Variants in ARID1B observed in about 807,000 individuals in gnomAD.
ARID1B encodes AT-rich interactive domain-containing protein 1B.
A neutral mutation model predicts 212.3 loss-of-function variants in ARID1B; 30 were observed. That is an observed-to-expected ratio of 0.14 (90% confidence interval 0.11 to 0.19). The LOEUF (loss-of-function observed/expected upper bound fraction) is 0.19, where lower values mean the gene tolerates loss of function less well. Ranked by LOEUF, ARID1B falls within the 10% of genes least tolerant of loss-of-function variation. The pLI is 1.00. For missense variants in ARID1B, 2,891 were observed against 3,204.0 expected, an observed-to-expected ratio of 0.90 and a Z score of 2.36; for synonymous variants, 1,402 against 1,301.7, an observed-to-expected ratio of 1.08 and a Z score of -1.66.
chr6:156,781,670 A>C (rs946963107), intron 1 of ARID1B, among the ~76,000 whole-genome samples: 1 of 152,094 alleles, frequency 6.6e-6, no homozygotes, highest in Non-Finnish European at 1.5e-5. Flanking sequence ...AGATTTTTCT[A>C]TTCTTAATAG....
intron 4 of ARID1B, among the ~76,000 whole-genome samples, chr6:157,030,813 G>A (rs1214169612): frequency 2.6e-5 from 4 of 152,144 alleles, no homozygotes; most frequent in Non-Finnish European, 1.5e-5. Context: ...ATTTTTCATT[G>A]TTACCAATAT....
chr6:157,098,951 A>G (rs1017158591), intron 5 of ARID1B, among the ~76,000 whole-genome samples: 4 of 152,128 alleles, frequency 2.6e-5, no homozygotes, highest in Admixed American at 6.6e-5. Context: ...TAAATGTTTT[A>G]TGACTCCAGT....
intron 4 of ARID1B, among the ~76,000 whole-genome samples, chr6:157,072,959 A>G (rs1244710478): frequency 6.6e-6 from 1 of 152,198 alleles, no homozygotes; most frequent in Non-Finnish European, 1.5e-5. Context: ...TGTAGTGTTT[A>G]TATACTTTAA....
intron 2 of ARID1B, among the ~76,000 whole-genome samples, chr6:156,891,733 T>C (rs1787936406): frequency 6.6e-6 from 1 of 152,202 alleles, no homozygotes; most frequent in Non-Finnish European, 1.5e-5. Context: ...CTGCTCTTTT[T>C]TTTCCCCCCC....
intron 6 of ARID1B, chr6:157,110,870 CTG>C: frequency 2.5e-6 from 1 of 395,978 alleles, no homozygotes; most frequent in Non-Finnish European, 4.7e-6. Context: ...GTAAAAATAA[CTG>C]TGAATGACTC....
intron 10 of ARID1B, 59 bp downstream of exon 10, chr6:157,174,176 G>A (rs1791927864): frequency 7.4e-6 from 11 of 1,486,612 alleles, no homozygotes; most frequent in South Asian, 4.5e-5. Flanking sequence ...CTGCCATGTC[G>A]TTCTCTCTTC....
intron 2 of ARID1B, among the ~76,000 whole-genome samples, chr6:156,834,093 C>T (rs1783330672): frequency 6.6e-6 from 1 of 152,052 alleles, no homozygotes; most frequent in Non-Finnish European, 1.5e-5. Context: ...GTAATTAAAG[C>T]CACGTTTTGA....
chr6:156,986,025 TTTG>T (rs778358920), intron 4 of ARID1B, among the ~76,000 whole-genome samples: 6 of 151,120 alleles, frequency 4.0e-5, no homozygotes, highest in Non-Finnish European at 5.9e-5. Flanking sequence ...TCTGTCAGTT[TTTG>T]TTAATTTCTG....
intron 3 of ARID1B, among the ~76,000 whole-genome samples, chr6:156,933,387 C>A (rs1231072186): frequency 6.6e-6 from 1 of 152,184 alleles, no homozygotes. Context: ...TGAATAGAGG[C>A]CTTGTGCCCT....
At chr6:156,932,773 G>A (rs1791853135) in intron 3 of ARID1B, among the ~76,000 whole-genome samples, 1 of 152,180 alleles carries the variant, frequency 6.6e-6, no homozygotes, top group Non-Finnish European at 1.5e-5. Context: ...GTTGTTGATT[G>A]TTCTAGGTTT....
At chr6:157,021,934 G>A (rs973535158) in intron 4 of ARID1B, among the ~76,000 whole-genome samples, 5 of 152,202 alleles carry the variant, frequency 3.3e-5, no homozygotes, top group African/African-American at 1.2e-4. Flanking sequence ...CGCGTGGCGC[G>A]CCCAGCGCTT....
intron 12 of ARID1B, among the ~76,000 whole-genome samples, 171 bp downstream of exon 12, chr6:157,181,349 G>T (rs1043100913): frequency 6.6e-6 from 1 of 152,122 alleles, no homozygotes; most frequent in African/African-American, 2.4e-5. Flanking sequence ...AGCACTGGGG[G>T]ACCCTGGCTC....
At chr6:156,825,492 C>T (rs9371443) in intron 1 of ARID1B, among the ~76,000 whole-genome samples, 11,077 of 152,232 alleles carry the variant, frequency 0.073, 705 homozygotes, top group East Asian at 0.3. Flanking sequence ...TTAAGTAGGA[C>T]TGTGAGAGTT....
intron 1 of ARID1B, among the ~76,000 whole-genome samples, chr6:156,812,705 C>A (rs980681731): frequency 1.3e-5 from 2 of 151,672 alleles, no homozygotes; most frequent in African/African-American, 2.4e-5. Context: ...TAACTCATGC[C>A]TTCTTTTGAA....
intron 1 of ARID1B, among the ~76,000 whole-genome samples, chr6:156,780,031 T>G (rs9384502): frequency 0.07 from 10,727 of 152,214 alleles, 424 homozygotes; most frequent in South Asian, 0.087. Context: ...TTTTTCCTAC[T>G]TAGGGAGAGC....
intron 4 of ARID1B, among the ~76,000 whole-genome samples, chr6:157,066,838 T>C (rs1326173069): frequency 2.6e-5 from 4 of 152,200 alleles, no homozygotes; most frequent in Admixed American, 2.6e-4. Context: ...AAAACACTGA[T>C]AGAGTACAGT....
At chr6:157,036,763 G>A in intron 4 of ARID1B, 1 of 482,690 alleles carries the variant, frequency 2.1e-6, no homozygotes, top group Non-Finnish European at 4.1e-6. Context: ...CCATGCCTGT[G>A]TCTGGTTTCT....
In ARID1B at chr6:157,130,342, C is replaced by A. The variant is rs533448561; in HGVS notation, c.2582-2686C>A. Among the ~76,000 whole-genome samples, 19 of 152,262 alleles carry A rather than the reference C, an allele frequency of 1.2e-4. No individual in the cohort carries two copies. In the South Asian group the frequency reaches 3.7e-3, roughly 30 times the overall value. The stretch of plus-strand genomic sequence containing the variant: ...GAAAGTAAGGGGAGACCCACATGAT[C>A]TCTATGAAATTGAAACACATTTTTT... On this transcript the variant is annotated intron_variant, in intron 6 of 19. Transcript: ENST00000636930.
rs184350377 is a variant in ARID1B at position 156,910,237 on chromosome 6, A to G, written c.2136+8712A>G. 2.3e-3 allele frequency among the ~76,000 whole-genome samples: 352 copies of G among 152,306 alleles called. 2 individuals are homozygous for G. The highest frequency in any genetic ancestry group is 8.1e-3 in the African/African-American group (337 of 41,558). Reference sequence around the variant, plus strand: ...ATCTTCTTGAGGTTTTGTAGACCACACCATTAAGTGTTAATTTTGACCAGA... The same window carrying G: ...ATCTTCTTGAGGTTTTGTAGACCACGCCATTAAGTGTTAATTTTGACCAGA... On this transcript the variant is annotated intron_variant, in intron 3 of 19. Transcript: ENST00000636930.
Sources: allele counts gnomAD v4.1 joint callset (sites outside exome capture counted in the v4.1 genomes callset), GRCh38; gene constraint gnomAD v4.1.1; transcripts MANE v1.5; gene names NCBI Gene and HGNC (gene_info 2026-07-23, HGNC 2026-07-21).